The following MARCHF7 variants were observed in gnomAD, a reference collection of about 807,000 sequenced individuals.
MARCHF7 encodes membrane associated ring-CH-type finger 7, also known as E3 ubiquitin-protein ligase MARCHF7.
In MARCHF7, 20 loss-of-function variants were observed where a neutral mutation model predicts 76.5. The ratio of observed to expected loss-of-function variants is 0.26; its 90% confidence interval spans 0.18 to 0.38. MARCHF7 has a LOEUF of 0.38. Ranked by LOEUF, MARCHF7 falls within the 10% of genes least tolerant of loss-of-function variation. MARCHF7 has a pLI of 1.00. For synonymous variants in MARCHF7, 295 were observed against 293.0 expected (o/e 1.01, Z -0.07); for missense variants, 797 against 812.9 (o/e 0.98, Z 0.24).
chr2:159,753,806 G>T (rs919598713), intron 8 of MARCHF7, among the ~76,000 whole-genome samples: 3 of 152,132 alleles, frequency 2.0e-5, no homozygotes. Context: ...CAGTGTGATC[G>T]TGATGATAGA....
chr2:159,765,709 A>G (rs1707688401), intron 11 of MARCHF7, among the ~76,000 whole-genome samples: 1 of 152,162 alleles, frequency 6.6e-6, no homozygotes, highest in African/African-American at 2.4e-5. Flanking sequence ...TAGATAATCT[A>G]AAACATAGAT....
At chr2:159,714,020 AT>A (rs1269821970) in intron 1 of MARCHF7, among the ~76,000 whole-genome samples, 1 of 152,136 alleles carries the variant, frequency 6.6e-6, no homozygotes, top group East Asian at 1.9e-4. Context: ...GAAGAGGGCT[AT>A]TTTCCCAGAT....
intron 8 of MARCHF7, among the ~76,000 whole-genome samples, chr2:159,758,629 G>A (rs1706622949): frequency 1.3e-5 from 2 of 152,118 alleles, no homozygotes; most frequent in Non-Finnish European, 2.9e-5. Flanking sequence ...ATTTCATTTA[G>A]CATAATGTTT....
Position 159,745,882 on chromosome 2 carries a change from T to C in MARCHF7, c.459T>C (p.Ser153=). The C allele has an allele frequency of 6.2e-7, 1 of 1,612,092 alleles. No individual in the cohort carries two copies. The highest frequency in any genetic ancestry group is 2.2e-5 in the East Asian group (1 of 44,726). ...ATTTGGAGAGAAGAACAGATTCCTC[T>C]ATTAGTAATCTTATGGATTATAGTC... ...RRDLERRTDS[S]ISNLMDYSHR... The change falls in exon 6 of 12, where the codon TCT becomes TCC. Residue 153 remains serine, a synonymous_variant. Transcript: ENST00000409175.
rs149056256 is a variant in MARCHF7, at chr2:159,769,051, T to A, written c.*1709T>A. The stretch of plus-strand genomic sequence containing the variant: ...TTGTCATATTAGCTTCAGATTATCA[T>A]GTAAATGACGGTAGAGGAATAAGAG... On this transcript the variant is annotated 3_prime_UTR_variant, in exon 12 of 12. Coordinates refer to ENST00000409175, the MANE Select transcript of MARCHF7 (RefSeq NM_001282805.2). 16 of 152,324 alleles carry A rather than the reference T, an allele frequency of 1.1e-4. No individual in the cohort carries two copies. Among genetic ancestry groups the A allele is most frequent in the Admixed American group, 2.6e-4 (4 of 15,304 alleles). The allele number at this position is 152,324 out of a possible 1,614,324, so 9.4% of individuals were successfully genotyped here. A position where few individuals can be genotyped will look rare whatever the true frequency, so the allele number is the denominator to read the frequency against.
chr2:159,734,104 T>G (rs1703159012), intron 4 of MARCHF7: 8 of 1,291,146 alleles, frequency 6.2e-6, no homozygotes, highest in Non-Finnish European at 8.2e-6. Flanking sequence ...TTACATGTTT[T>G]TAAAGGAAAA....
chr2:159,730,408 G>T (rs555354139), intron 4 of MARCHF7, among the ~76,000 whole-genome samples: 1 of 152,066 alleles, frequency 6.6e-6, no homozygotes, highest in Non-Finnish European at 1.5e-5. Flanking sequence ...AAAAATGTTC[G>T]TACACAGTAG....
chr2:159,715,198 A>G (rs7590595), intron 2 of MARCHF7, among the ~76,000 whole-genome samples: 70,226 of 152,072 alleles, frequency 0.46, 18,102 homozygotes, highest in African/African-American at 0.7. Context: ...CAATTTAAAA[A>G]GAATCGGATT....
intron 3 of MARCHF7, among the ~76,000 whole-genome samples, chr2:159,724,504 A>G (rs1188191827): frequency 1.3e-5 from 2 of 152,026 alleles, no homozygotes; most frequent in African/African-American, 2.4e-5. Context: ...AATTATTTTC[A>G]TGTTACATTT....
At chr2:159,738,336 C>T (rs1211294484) in intron 4 of MARCHF7, among the ~76,000 whole-genome samples, 1 of 152,174 alleles carries the variant, frequency 6.6e-6, no homozygotes, top group Non-Finnish European at 1.5e-5. Flanking sequence ...CAGAGCTCTT[C>T]CGTCCTTGTC....
chr2:159,748,796 C>T lies in MARCHF7; in HGVS notation c.1506C>T (p.Ile502=). ...GTAATTTGACCGACAATGTCATGATCACAGTAGATATTATTCCTTCAGGTT... is the reference window on the plus strand; with the variant it reads ...GTAATTTGACCGACAATGTCATGATTACAGTAGATATTATTCCTTCAGGTT... ...LGSNLTDNVM[I]TVDIIPSGWN... The change falls in exon 7 of 12, where the codon ATC becomes ATT. Residue 502 remains isoleucine, a synonymous_variant. Transcript: ENST00000409175. The T allele has an allele frequency of 6.2e-7, 1 of 1,614,100 alleles. No individual in the cohort carries two copies. The highest frequency in any genetic ancestry group is 1.1e-5 in the South Asian group (1 of 91,084).
At chr2:159,747,721 T>G in intron 6 of MARCHF7, 84 bp from the exon 7 acceptor site, 1 of 1,327,508 alleles carries the variant, frequency 7.5e-7, no homozygotes, top group Non-Finnish European at 1.0e-6. Context: ...AATCCAGTGC[T>G]TCGTTTTGGC....
At chr2:159,758,536 A>G (rs1425029473) in intron 8 of MARCHF7, among the ~76,000 whole-genome samples, 2 of 152,222 alleles carry the variant, frequency 1.3e-5, no homozygotes, top group Non-Finnish European at 2.9e-5. Flanking sequence ...CTTCTGGTCT[A>G]CTTTCTGTCT....
intron 4 of MARCHF7, among the ~76,000 whole-genome samples, chr2:159,739,545 T>C (rs1365220169): frequency 6.6e-6 from 1 of 152,230 alleles, no homozygotes; most frequent in South Asian, 2.1e-4. Context: ...TGGTATACTT[T>C]GAAGACAGAC....
intron 4 of MARCHF7, among the ~76,000 whole-genome samples, chr2:159,736,570 T>C (rs1234283991): frequency 6.6e-6 from 1 of 152,234 alleles, no homozygotes; most frequent in Admixed American, 6.5e-5. Flanking sequence ...TTTTATTTTT[T>C]TAATTGCATT....
chr2:159,727,969 G>T (rs1222652441), intron 3 of MARCHF7, among the ~76,000 whole-genome samples: 4 of 152,094 alleles, frequency 2.6e-5, no homozygotes, highest in African/African-American at 9.7e-5. Flanking sequence ...ATAACATTTT[G>T]TTTTTTTCTT....
intron 9 of MARCHF7, 147 bp downstream of exon 9, chr2:159,759,482 A>G (rs1046540429): frequency 3.5e-5 from 14 of 405,224 alleles, no homozygotes; most frequent in Non-Finnish European, 5.7e-5. Context: ...CTGTTACTGC[A>G]TTAGGTGTTA....
In MARCHF7 at chr2:159,748,160, G is replaced by A. The variant is rs779513825; in HGVS notation, c.870G>A (p.Met290Ile). 1 of 1,613,118 alleles carries A rather than the reference G, an allele frequency of 6.2e-7. No individual in the cohort carries two copies. Among genetic ancestry groups the A allele is most frequent in the South Asian group, 1.1e-5 (1 of 90,812 alleles). Residue 290 changes from methionine (M) to isoleucine (I), a missense_variant, in exon 7 of 12, where the codon ATG becomes ATA. By Grantham distance (10) the Met-to-Ile change is conservative. This residue lies in a region of MARCHF7 where 643 missense variants were observed against 631.5 expected (regional missense o/e 1.02). Transcript: ENST00000409175. Reference sequence around the variant, plus strand: ...TGCTGTCACGCATAGCTTCTAGCATGTCATCTACTTTTTTTTCACGAAGAT... The same window carrying A: ...TGCTGTCACGCATAGCTTCTAGCATATCATCTACTTTTTTTTCACGAAGAT... ...RRLLSRIASSMSSTFFSRRSS... is the reference protein window; with the variant it reads ...RRLLSRIASSISSTFFSRRSS...
At chr2:159,752,873 C>G (rs1438021203) in intron 8 of MARCHF7, among the ~76,000 whole-genome samples, 1 of 152,216 alleles carries the variant, frequency 6.6e-6, no homozygotes, top group Non-Finnish European at 1.5e-5. Flanking sequence ...AGGAAATAGA[C>G]TCACCATTTA....
Sources: allele counts gnomAD v4.1 joint callset (sites outside exome capture counted in the v4.1 genomes callset), GRCh38; gene constraint gnomAD v4.1.1; regional missense constraint gnomAD v4.1.1; transcripts MANE v1.5; gene names NCBI Gene and HGNC (gene_info 2026-07-23, HGNC 2026-07-21).